Variants in STOX2 observed in about 807,000 individuals in gnomAD.
STOX2 encodes storkhead box 2.
A neutral mutation model predicts 60.9 loss-of-function variants in STOX2; 28 were observed. The observed-to-expected ratio is 0.46, with a 90% CI of 0.34 to 0.63. The LOEUF (loss-of-function observed/expected upper bound fraction) is 0.63, where lower values mean the gene tolerates loss of function less well. Among genes scored for constraint, STOX2 ranks in the 30% least tolerant of loss-of-function variants. The pLI, the probability that STOX2 is intolerant of heterozygous loss-of-function variation, is 0.01. For missense variants in STOX2, 1,024 were observed against 1,187.7 expected (o/e 0.86, Z 2.03); for synonymous variants, 472 against 463.9 (o/e 1.02, Z -0.22).
intron 1 of STOX2, among the ~76,000 whole-genome samples, chr4:183,884,553 T>C (rs545066952): frequency 6.6e-6 from 1 of 152,258 alleles, no homozygotes; most frequent in South Asian, 2.1e-4. Flanking sequence ...CAGGGAAGGA[T>C]TTTAGAGGAG....
At chr4:183,872,324 G>A (rs1282639819) in intron 1 of STOX2, among the ~76,000 whole-genome samples, 1 of 152,140 alleles carries the variant, frequency 6.6e-6, no homozygotes. Flanking sequence ...CCAAAGTGCT[G>A]GGATTACAGA....
chr4:183,974,463 G>A (rs1422897475), intron 1 of STOX2, among the ~76,000 whole-genome samples: 2 of 151,806 alleles, frequency 1.3e-5, no homozygotes, highest in East Asian at 1.9e-4. Context: ...ATGACCAAAG[G>A]ATATGCTATC....
chr4:183,845,497 T>G (rs1013605578), intron 1 of STOX2, among the ~76,000 whole-genome samples: 1 of 152,214 alleles, frequency 6.6e-6, no homozygotes, highest in African/African-American at 2.4e-5. Flanking sequence ...AGCTTGAATT[T>G]TTTTTTGCTG....
In STOX2 at chr4:183,818,892, G is replaced by C. The variant is rs550642368; in HGVS notation, c.364+20837G>C. On this transcript the variant is annotated intron_variant, in intron 1 of 2. Coordinates refer to the STOX2 transcript ENST00000513034. The stretch of plus-strand genomic sequence containing the variant: ...ACGGGGTGGTGGGGCAGAGGCGCGC[G>C]TCACTTCCTAGATGGGATGGCGGCC... Among the ~76,000 whole-genome samples, 242 of 151,420 alleles carry C rather than the reference G, an allele frequency of 1.6e-3. 3 individuals are homozygous for C. Among genetic ancestry groups the C allele is most frequent in the African/African-American group, 5.4e-3 (223 of 41,198 alleles).
intron 1 of STOX2, among the ~76,000 whole-genome samples, chr4:183,813,857 G>A (rs61305452): frequency 0.027 from 4,151 of 152,246 alleles, 167 homozygotes; most frequent in African/African-American, 0.094. Context: ...ATACCTTAAT[G>A]TGCTGCCAGT....
At chr4:183,920,392 G>A (rs994076027) in intron 1 of STOX2, among the ~76,000 whole-genome samples, 1 of 152,190 alleles carries the variant, frequency 6.6e-6, no homozygotes, top group Non-Finnish European at 1.5e-5. Flanking sequence ...ACAGGTGTGA[G>A]TCACCAGACC....
intron 1 of STOX2, among the ~76,000 whole-genome samples, chr4:183,908,601 T>TTTTC (rs1741688273): frequency 6.6e-6 from 1 of 151,728 alleles, no homozygotes; most frequent in Non-Finnish European, 1.5e-5. Flanking sequence ...AGTTTTTTTT[T>TTTTC]TTTTTTTTTT....
intron 1 of STOX2, among the ~76,000 whole-genome samples, chr4:183,828,714 A>T (rs1739492511): frequency 6.6e-6 from 1 of 152,214 alleles, no homozygotes; most frequent in African/African-American, 2.4e-5. Context: ...CAGCATTCAG[A>T]TAACTGAAAA....
intron 1 of STOX2, among the ~76,000 whole-genome samples, chr4:183,889,040 TA>T (rs1238001603): frequency 5.3e-5 from 8 of 151,832 alleles, no homozygotes; most frequent in Admixed American, 4.6e-4. Flanking sequence ...TTGCTTGGTT[TA>T]TTTTTTTTCC....
intron 1 of STOX2, among the ~76,000 whole-genome samples, chr4:183,990,357 T>C (rs1560924524): frequency 6.6e-6 from 1 of 152,210 alleles, no homozygotes; most frequent in Non-Finnish European, 1.5e-5. Flanking sequence ...TTTCTTGCTA[T>C]AGCTCTTCTA....
At chr4:183,863,271 C>G (rs760165753) in intron 1 of STOX2, among the ~76,000 whole-genome samples, 2 of 152,188 alleles carry the variant, frequency 1.3e-5, no homozygotes, top group African/African-American at 4.8e-5. Context: ...CTGTGCCCCC[C>G]ACACCAGGCC....
At position 184,019,490 on chromosome 4, in the gene STOX2, A is replaced by G. The variant is rs1377959160; in HGVS notation, c.*2206A>G. The G allele has an allele frequency of 1.3e-5, 2 of 152,240 alleles. No individual in the cohort carries two copies. Among genetic ancestry groups the G allele is most frequent in the Non-Finnish European group, 2.9e-5 (2 of 68,040 alleles). 9.4% of individuals were successfully genotyped at this position (152,240 alleles called of 1,614,324 possible). Reference sequence around the variant, plus strand: ...CCATTGAAACAACACATCAGCCTCTAGCTGATCCTCTGAAAGTAGCCATTG... The same window carrying G: ...CCATTGAAACAACACATCAGCCTCTGGCTGATCCTCTGAAAGTAGCCATTG... On this transcript the variant is annotated 3_prime_UTR_variant, in exon 4 of 4. Transcript: ENST00000308497.
chr4:183,994,407 A>C lies in STOX2; in HGVS notation c.167-6918A>C, dbSNP rs531428276. On this transcript the variant is annotated intron_variant, in intron 1 of 3. Transcript: ENST00000308497. ...TTGAATTTAGAAAGAGAAAATGATG[A>C]AGCCTTTATTGTAAGGGAAGAAAAA... Among the ~76,000 whole-genome samples, 16 of 152,328 alleles carry C rather than the reference A, an allele frequency of 1.1e-4. 1 individual carries two copies. In the South Asian group the frequency reaches 3.1e-3, roughly 30 times the overall value.
intron 1 of STOX2, among the ~76,000 whole-genome samples, chr4:183,849,882 G>A (rs1174452060): frequency 6.6e-6 from 1 of 152,050 alleles, no homozygotes; most frequent in African/African-American, 2.4e-5. Flanking sequence ...TCCAATTTCT[G>A]GTTGATTCTT....
chr4:183,982,552 G>A (rs2111189888), intron 1 of STOX2, among the ~76,000 whole-genome samples: 1 of 152,162 alleles, frequency 6.6e-6, no homozygotes, highest in South Asian at 2.1e-4. Context: ...TGGTGCCCAG[G>A]GTTTTTGTTT....
intron 1 of STOX2, among the ~76,000 whole-genome samples, chr4:183,936,133 C>T (rs1359445529): frequency 1.3e-5 from 2 of 152,238 alleles, no homozygotes; most frequent in Non-Finnish European, 2.9e-5. Flanking sequence ...AATCCAACTT[C>T]CTGAGAGTAA....
intron 1 of STOX2, among the ~76,000 whole-genome samples, chr4:183,843,924 G>A (rs895445512): frequency 2.6e-5 from 4 of 151,840 alleles, no homozygotes; most frequent in East Asian, 3.9e-4. Context: ...TTTTTTATAC[G>A]TAAATCATAG....
At chr4:183,910,836 G>A (rs1741756301) in intron 1 of STOX2, among the ~76,000 whole-genome samples, 1 of 152,218 alleles carries the variant, frequency 6.6e-6, no homozygotes, top group Admixed American at 6.5e-5. Flanking sequence ...TGCTGGGGAA[G>A]AATGGCCAGC....
At chr4:183,910,667 C>T (rs80295372) in intron 1 of STOX2, among the ~76,000 whole-genome samples, 6,360 of 152,180 alleles carry the variant, frequency 0.042, 451 homozygotes, top group African/African-American at 0.15. Context: ...CATGAGAAAG[C>T]GAAGTCCTGG....
Sources: allele counts gnomAD v4.1 joint callset (sites outside exome capture counted in the v4.1 genomes callset), GRCh38; gene constraint gnomAD v4.1.1; transcripts MANE v1.5; gene names NCBI Gene and HGNC (gene_info 2026-07-23, HGNC 2026-07-21).